The following CSMD3 variants were observed in gnomAD, a reference collection of about 807,000 sequenced individuals.
The protein encoded by CSMD3 is CUB and Sushi multiple domains 3.
In CSMD3, 177 loss-of-function variants were observed where a neutral mutation model predicts 435.2. The ratio of observed to expected loss-of-function variants is 0.41; its 90% CI spans 0.36 to 0.46. The LOEUF (loss-of-function observed/expected upper bound fraction) is 0.46, where lower values mean the gene tolerates loss of function less well. CSMD3 is among the 20% of genes least tolerant of loss of function. CSMD3 has a pLI of 0.34. For missense variants in CSMD3, 4,265 were observed against 4,504.6 expected (o/e 0.95, Z 1.52); for synonymous variants, 1,656 against 1,520.5 (o/e 1.09, Z -2.07).
chr8:113,432,657 C>G (rs964333827), intron 1 of CSMD3, among the ~76,000 whole-genome samples: 1 of 152,202 alleles, frequency 6.6e-6, no homozygotes, highest in Non-Finnish European at 1.5e-5. Context: ...AATCCCCACT[C>G]GTTGTTTCCC....
chr8:113,252,014 TCA>T (rs2093339004), intron 3 of CSMD3, among the ~76,000 whole-genome samples: 1 of 152,112 alleles, frequency 6.6e-6, no homozygotes, highest in Non-Finnish European at 1.5e-5. Context: ...GTTAAAATTT[TCA>T]CAGATACCAT....
chr8:113,032,904 G>A (rs1389192342), intron 5 of CSMD3, among the ~76,000 whole-genome samples: 5 of 151,504 alleles, frequency 3.3e-5, no homozygotes, highest in Non-Finnish European at 7.4e-5. Context: ...CATACCAGCT[G>A]TTAAAGCTCC....
intron 32 of CSMD3, among the ~76,000 whole-genome samples, chr8:112,441,728 G>C (rs944017796): frequency 1.3e-5 from 2 of 152,174 alleles, no homozygotes; most frequent in African/African-American, 4.8e-5. Flanking sequence ...GAGAAGTTCA[G>C]AGTGAAGGGG....
In CSMD3 at chr8:113,324,317, A is replaced by C. The variant is rs1036554495; in HGVS notation, c.179-9524T>G. On this transcript the variant is annotated intron_variant, in intron 1 of 70. Coordinates refer to ENST00000297405, the MANE Select transcript of CSMD3 (RefSeq NM_198123.2). ...AGCCCCTCCCATTACAGGCCTTAAG[A>C]CCTAGGAGAAAATGGTTTCATGGGC... Among the ~76,000 whole-genome samples the C allele has an allele frequency of 2.6e-5, 4 of 152,026 alleles. No individual in the cohort carries two copies. In the South Asian group the frequency reaches 8.3e-4, roughly 31 times the overall value.
At position 112,655,665 on chromosome 8, in the gene CSMD3, T is replaced by C. The variant is rs1586901830; in HGVS notation, c.3004+489A>G. On this transcript the variant is annotated intron_variant, in intron 18 of 70. Coordinates refer to ENST00000297405, the MANE Select transcript of CSMD3 (RefSeq NM_198123.2). ...TATATTAATCATATTTGAATATATG[T>C]ATATACAGTTTGCCTTTTAATTTTA... Among the ~76,000 whole-genome samples, 6 of 151,646 alleles carry C rather than the reference T, an allele frequency of 4.0e-5. No homozygotes were observed. In the South Asian group the frequency reaches 1.2e-3, roughly 31 times the overall value.
At position 113,100,065 on chromosome 8, in the gene CSMD3, A is replaced by AAAT. The variant is rs547061666; in HGVS notation, c.710-1105_710-1103dup. On this transcript the variant is annotated intron_variant, in intron 4 of 70. Transcript: ENST00000297405. ...TTCCATGATGGGTAGAACATAAAAAAAATTGCTTTGTTATTAGAGACAACT... is the reference window on the plus strand; with the variant it reads ...TTCCATGATGGGTAGAACATAAAAAAAATAATTGCTTTGTTATTAGAGACAACT... 7.9e-5 allele frequency among the ~76,000 whole-genome samples: 12 copies of AAAT among 152,214 alleles called. No individual in the cohort carries two copies. In the East Asian group the frequency reaches 1.5e-3, roughly 20 times the overall value.
intron 32 of CSMD3, among the ~76,000 whole-genome samples, chr8:112,470,536 A>C (rs1036061512): frequency 6.6e-6 from 1 of 152,146 alleles, no homozygotes; most frequent in Non-Finnish European, 1.5e-5. Context: ...CAAGTAAGTT[A>C]AGTTGAGCCT....
At chr8:112,396,284 CT>C (rs957965836) in intron 35 of CSMD3, among the ~76,000 whole-genome samples, 9 of 152,240 alleles carry the variant, frequency 5.9e-5, no homozygotes, top group Non-Finnish European at 4.4e-5. Flanking sequence ...AAGTTATTAA[CT>C]GAGCATTCAT....
At chr8:113,309,545 C>T (rs1409359696) in intron 2 of CSMD3, 1 of 152,206 alleles carries the variant, frequency 6.6e-6, no homozygotes, top group East Asian at 1.9e-4. Flanking sequence ...CTTACACTTA[C>T]ATTTGATTTT....
intron 4 of CSMD3, 81 bp from the exon 5 acceptor site, chr8:113,099,044 T>C (rs1259629682): frequency 3.4e-6 from 3 of 889,180 alleles, no homozygotes; most frequent in East Asian, 2.5e-5. Flanking sequence ...CAAGTCAATA[T>C]GTTTGGATAA....
chr8:112,784,084 C>A (rs777276900), intron 13 of CSMD3, among the ~76,000 whole-genome samples: 2 of 151,720 alleles, frequency 1.3e-5, no homozygotes, highest in Non-Finnish European at 1.5e-5. Flanking sequence ...GCAGGATAAG[C>A]CAAATGGTCC....
chr8:112,316,168 T>C (rs563103944), intron 47 of CSMD3, among the ~76,000 whole-genome samples: 187 of 151,942 alleles, frequency 1.2e-3, no homozygotes, highest in African/African-American at 4.4e-3. Flanking sequence ...AAACTGACTA[T>C]ATAATAGAGT....
intron 68 of CSMD3, among the ~76,000 whole-genome samples, chr8:112,234,019 C>T (rs1813333186): frequency 6.6e-6 from 1 of 151,838 alleles, no homozygotes; most frequent in African/African-American, 2.4e-5. Flanking sequence ...ATTTATTTAT[C>T]ATAGTGCTGA....
intron 2 of CSMD3, among the ~76,000 whole-genome samples, chr8:113,281,278 C>T (rs2093611229): frequency 6.6e-6 from 1 of 151,750 alleles, no homozygotes; most frequent in Non-Finnish European, 1.5e-5. Flanking sequence ...TGAAGTCCCC[C>T]ACTATTATTT....
chr8:112,807,393 C>A (rs1035853347), intron 12 of CSMD3, among the ~76,000 whole-genome samples: 3 of 152,078 alleles, frequency 2.0e-5, no homozygotes, highest in Non-Finnish European at 4.4e-5. Context: ...GCTATGATGA[C>A]CTCTTATACG....
chr8:113,383,733 G>A (rs186676699), intron 1 of CSMD3, among the ~76,000 whole-genome samples: 18 of 152,208 alleles, frequency 1.2e-4, no homozygotes, highest in East Asian at 3.9e-4. Context: ...CAAGCTTCTC[G>A]AAATTAAATT....
chr8:112,914,137 GGTATTTTCAT>G (rs1442127350), intron 10 of CSMD3, among the ~76,000 whole-genome samples: 1 of 151,860 alleles, frequency 6.6e-6, no homozygotes, highest in East Asian at 2.0e-4. Context: ...ATGACCAAGT[GGTATTTTCAT>G]GTCCAATGAA....
At chr8:113,126,245 C>G (rs774726335) in intron 4 of CSMD3, among the ~76,000 whole-genome samples, 2 of 151,774 alleles carry the variant, frequency 1.3e-5, no homozygotes, top group Admixed American at 6.6e-5. Context: ...CAGTCCAGCT[C>G]TATAATCTCA....
At chr8:113,130,125 G>A (rs192590039) in intron 4 of CSMD3, among the ~76,000 whole-genome samples, 96 of 151,996 alleles carry the variant, frequency 6.3e-4, no homozygotes, top group African/African-American at 2.3e-3. Context: ...TGCTTAGTAC[G>A]CATTATAAAT....
Sources: allele counts gnomAD v4.1 joint callset (sites outside exome capture counted in the v4.1 genomes callset), GRCh38; gene constraint gnomAD v4.1.1; transcripts MANE v1.5; gene names NCBI Gene and HGNC (gene_info 2026-07-23, HGNC 2026-07-21).